The following OTUD7A variants were observed in gnomAD, a reference collection of about 807,000 sequenced individuals.
OTUD7A encodes the protein OTU domain-containing protein 7A.
Under a neutral mutation model 65.7 loss-of-function variants are expected in OTUD7A, and 12 were observed. The ratio of observed to expected loss-of-function variants is 0.18; its 90% CI spans 0.12 to 0.30. The LOEUF (loss-of-function observed/expected upper bound fraction) is 0.30. Ranked by LOEUF, OTUD7A falls within the 10% of genes least tolerant of loss-of-function variation. The pLI is 1.00. For synonymous variants in OTUD7A, 641 were observed against 586.3 expected (o/e 1.09, Z -1.35); for missense variants, 1,148 against 1,304.8 (o/e 0.88, Z 1.85).
At chr15:31,641,103 C>T (rs1372316172) in intron 3 of OTUD7A, among the ~76,000 whole-genome samples, 3 of 152,142 alleles carry the variant, frequency 2.0e-5, no homozygotes, top group Non-Finnish European at 4.4e-5. Context: ...GTCATTGGAT[C>T]ATGGGGGCAG....
intron 1 of OTUD7A, among the ~76,000 whole-genome samples, chr15:31,686,943 C>G (rs1264164764): frequency 1.3e-5 from 2 of 152,202 alleles, no homozygotes; most frequent in African/African-American, 2.4e-5. Flanking sequence ...TTTCCAACAG[C>G]AATGTTTTTG....
intron 1 of OTUD7A, among the ~76,000 whole-genome samples, chr15:31,784,030 G>C (rs1051546636): frequency 1.3e-5 from 2 of 152,200 alleles, no homozygotes; most frequent in African/African-American, 4.8e-5. Flanking sequence ...TTTTCTGAGA[G>C]TGTGTAATGA....
intron 1 of OTUD7A, among the ~76,000 whole-genome samples, chr15:31,763,100 T>C (rs915649065): frequency 1.3e-5 from 2 of 152,066 alleles, no homozygotes; most frequent in Non-Finnish European, 2.9e-5. Flanking sequence ...TTGGCCAACA[T>C]GGTGAAACCC....
At chr15:31,778,077 T>C (rs1895435218) in intron 1 of OTUD7A, among the ~76,000 whole-genome samples, 1 of 152,002 alleles carries the variant, frequency 6.6e-6, no homozygotes, top group Non-Finnish European at 1.5e-5. Context: ...GGCTGGGGGA[T>C]TGATCTGCCC....
At chr15:31,857,603 G>C (rs1228127028) in intron 1 of OTUD7A, among the ~76,000 whole-genome samples, 1 of 152,182 alleles carries the variant, frequency 6.6e-6, no homozygotes, top group Non-Finnish European at 1.5e-5. Context: ...AGCGCAGCCT[G>C]AGCCGGGCCC....
At chr15:31,584,512 C>T (rs1409352992) in intron 3 of OTUD7A, among the ~76,000 whole-genome samples, 1 of 152,226 alleles carries the variant, frequency 6.6e-6, no homozygotes, top group African/African-American at 2.4e-5. Flanking sequence ...TGCTAATGAC[C>T]TTGCCTGAGC....
chr15:31,789,825 T>C (rs1895768170), intron 1 of OTUD7A, among the ~76,000 whole-genome samples: 1 of 151,576 alleles, frequency 6.6e-6, no homozygotes, highest in Non-Finnish European at 1.5e-5. Flanking sequence ...CCTGCTGAGG[T>C]TGGGAGTTCA....
intron 1 of OTUD7A, among the ~76,000 whole-genome samples, chr15:31,670,554 T>C (rs1305472691): frequency 6.6e-6 from 1 of 152,202 alleles, no homozygotes; most frequent in Non-Finnish European, 1.5e-5. Flanking sequence ...CTATTTCATA[T>C]GTTTGTTAGC....
chr15:31,484,007 T>TGGCGGCGGC lies in OTUD7A; in HGVS notation c.2080_2088dup (p.Ala694_Ala696dup), dbSNP rs199744400. The stretch of plus-strand genomic sequence containing the variant: ...GGTCTGCGCGGCGGCCGCTTGGCCG[T>TGGCGGCGGC]GGCGGCGGCGGCGGCGGCGGCAGCG... On this transcript the variant is annotated inframe_insertion, in exon 13 of 13. Transcript: ENST00000307050. The surrounding 1 kb of genome is among the most constrained non-coding windows in gnomAD (Gnocchi z 4.5). 2.4e-4 allele frequency: 279 copies of TGGCGGCGGC among 1,171,314 alleles called. No individual in the cohort carries two copies. The highest frequency in any genetic ancestry group is 3.3e-4 in the Admixed American group (7 of 21,238). The allele number at this position is 1,171,314 out of a possible 1,614,324, so 72.6% of individuals were successfully genotyped here. A position where few individuals can be genotyped will look rare whatever the true frequency, so the allele number is the denominator to read the frequency against.
chr15:31,763,539 G>A (rs1895026837), intron 1 of OTUD7A, among the ~76,000 whole-genome samples: 1 of 152,118 alleles, frequency 6.6e-6, no homozygotes, highest in Non-Finnish European at 1.5e-5. Flanking sequence ...TCAGGAAACT[G>A]AGGGAAAGAA....
At chr15:31,500,759 T>G (rs1276226478) in intron 10 of OTUD7A, among the ~76,000 whole-genome samples, 3 of 152,250 alleles carry the variant, frequency 2.0e-5, no homozygotes, top group African/African-American at 4.8e-5. Flanking sequence ...CTTCCCCCTG[T>G]TGGCCCTGGA....
At chr15:31,794,849 C>A (rs896402738) in intron 1 of OTUD7A, among the ~76,000 whole-genome samples, 2 of 152,040 alleles carry the variant, frequency 1.3e-5, no homozygotes, top group Admixed American at 6.5e-5. Context: ...TTACAATCAA[C>A]CCAGATATAT....
chr15:31,655,083 G>A lies in OTUD7A; in HGVS notation c.151+13C>T, dbSNP rs1386960994. 1.9e-6 allele frequency: 3 copies of A among 1,609,220 alleles called. No homozygotes were observed. The highest frequency in any genetic ancestry group is 1.3e-5 in the African/African-American group (1 of 74,868). ...CCAGAATGGTGGTGTGGGGAACAAG[G>A]AGGTGGGCTTACCTTCCAGCAGGTC... On this transcript the variant is annotated intron_variant, in intron 3 of 12. Coordinates refer to ENST00000307050, the MANE Select transcript of OTUD7A (RefSeq NM_001382637.1).
rs1233930219 is a variant in OTUD7A at position 31,484,334 on chromosome 15, TGCTGGCCGACGC to T, written c.1750_1761del (p.Ala584_Ser587del). On this transcript the variant is annotated inframe_deletion, in exon 13 of 13. Transcript: ENST00000307050. The surrounding 1 kb of genome is among the most constrained non-coding windows in gnomAD (Gnocchi z 4.5). ...GGCGTGGTCTTTTCCGACGGCGACG[TGCTGGCCGACGC>T]ACCAGACTCCTCCTTGCTGCCCTTG... is the stretch of plus-strand genomic sequence containing the variant. 2 of 1,600,188 alleles carry T rather than the reference TGCTGGCCGACGC, an allele frequency of 1.2e-6. No individual in the cohort carries two copies. Among genetic ancestry groups the T allele is most frequent in the Non-Finnish European group, 1.7e-6 (2 of 1,179,114 alleles).
intron 1 of OTUD7A, among the ~76,000 whole-genome samples, chr15:31,857,565 T>C (rs1451012320): frequency 1.3e-5 from 2 of 151,720 alleles, no homozygotes; most frequent in East Asian, 1.9e-4. Context: ...AGTGTACAGA[T>C]AGAGTAAATG....
At chr15:31,505,686 G>A (rs899286752) in intron 8 of OTUD7A, among the ~76,000 whole-genome samples, 9 of 152,000 alleles carry the variant, frequency 5.9e-5, no homozygotes, top group Non-Finnish European at 1.3e-4. Context: ...TTTGAAGGCA[G>A]GGAATAACAT....
At position 31,483,204 on chromosome 15, in the gene OTUD7A, G is replaced by A. The variant is rs918186209; in HGVS notation, c.*90C>T. On this transcript the variant is annotated 3_prime_UTR_variant, in exon 13 of 13. Transcript: ENST00000307050. ...CTGACAGAGGAGGCGCCGGCCTTCC[G>A]GTGGACCAGGGCATGTAAAAAAGAC... The A allele has an allele frequency of 2.9e-6, 3 of 1,027,420 alleles. No individual in the cohort carries two copies. Among genetic ancestry groups the A allele is most frequent in the Non-Finnish European group, 3.5e-6 (3 of 856,540 alleles). 63.6% of individuals were successfully genotyped at this position (1,027,420 alleles called of 1,614,324 possible).
rs2041117447 is a variant in OTUD7A, at chr15:31,481,419, C to G, written c.*1875G>C. ...TCAGTCCAGAAAGCTGCCACAGACC[C>G]TCTCCATGAGATTTTTAAAAAACCA... On this transcript the variant is annotated 3_prime_UTR_variant, in exon 13 of 13. Coordinates refer to ENST00000307050, the MANE Select transcript of OTUD7A (RefSeq NM_001382637.1). 1 of 152,336 alleles carries G rather than the reference C, an allele frequency of 6.6e-6. No homozygotes were observed. Among genetic ancestry groups the G allele is most frequent in the Admixed American group, 6.5e-5 (1 of 15,304 alleles). The allele number at this position is 152,336 out of a possible 1,614,324, so 9.4% of individuals were successfully genotyped here. A position where few individuals can be genotyped will look rare whatever the true frequency, so the allele number is the denominator to read the frequency against.
intron 1 of OTUD7A, among the ~76,000 whole-genome samples, chr15:31,824,756 C>T (rs1405425440): frequency 6.6e-6 from 1 of 152,198 alleles, no homozygotes; most frequent in Non-Finnish European, 1.5e-5. Context: ...GTAATTCATG[C>T]AGATGGCCTG....
Sources: gnomAD v4.1 joint callset for allele counts (sites outside exome capture counted in the v4.1 genomes callset) on GRCh38, gnomAD v4.1.1 for gene constraint, Gnocchi (gnomAD v3.1) non-coding constraint, MANE v1.5 for transcripts, NCBI Gene and HGNC (gene_info 2026-07-23, HGNC 2026-07-21) for gene names.